TRAF4: variants seen among roughly 807,000 people sequenced by gnomAD.
TRAF4 encodes the protein TNF receptor-associated factor 4.
TRAF4 carries 9 observed loss-of-function variants against 47.3 expected under a neutral mutation model. The ratio of observed to expected loss-of-function variants is 0.19; its 90% CI spans 0.11 to 0.33. The LOEUF (loss-of-function observed/expected upper bound fraction) is 0.33, where lower values mean the gene tolerates loss of function less well. Among genes scored for constraint, TRAF4 ranks in the 10% least tolerant of loss-of-function variants. TRAF4 has a pLI of 1.00. For synonymous variants in TRAF4, 236 were observed against 236.9 expected (o/e 1.00, Z 0.04); for missense variants, 448 against 620.3 (o/e 0.72, Z 2.95).
chr17:28,750,163 A>T lies in TRAF4; in HGVS notation c.*586A>T, dbSNP rs558078855. On this transcript the variant is annotated 3_prime_UTR_variant, in exon 7 of 7. Transcript: ENST00000262395. ...TGAAGGCAAAGAAAGGACCAGTCAG[A>T]GAAGGGCCGCTGCCTGGGTCTGGCC... 3.1e-5 allele frequency: 14 copies of T among 452,724 alleles called. 1 individual carries two copies. Among genetic ancestry groups the T allele is most frequent in the African/African-American group, 2.2e-4 (11 of 49,750 alleles). The allele number at this position is 452,724 out of a possible 1,614,324, so 28.0% of individuals were successfully genotyped here. A position where few individuals can be genotyped will look rare whatever the true frequency, so the allele number is the denominator to read the frequency against.
At position 28,748,103 on chromosome 17, in the gene TRAF4, C is replaced by T. The variant is rs781272846; in HGVS notation, c.387C>T (p.His129=). The part of the protein sequence containing the change: ...MKLSRRDLPA[H]LQHDCPKRRL... ...TGAGCCGCCGTGATCTACCTGCACA[C>T]TTGCAGCATGACTGCCCCAAGCGGC... The change falls in exon 4 of 7, where the codon CAC becomes CAT. Residue 129 remains histidine, a synonymous_variant. Transcript: ENST00000262395. 9 of 1,613,984 alleles carry T rather than the reference C, an allele frequency of 5.6e-6. No individual in the cohort carries two copies. In the East Asian group the frequency reaches 1.6e-4, roughly 28 times the overall value.
At chr17:28,748,843 G>C in intron 6 of TRAF4, 102 bp from the exon 7 acceptor site, 1 of 1,485,636 alleles carries the variant, frequency 6.7e-7, no homozygotes, top group Non-Finnish European at 8.9e-7. Context: ...CTCACGTAGA[G>C]CTGGGTGCCT....
At position 28,749,064 on chromosome 17, in the gene TRAF4, G is replaced by A. The variant is rs1218269944; in HGVS notation, c.900G>A (p.Glu300=). 7.4e-6 allele frequency: 12 copies of A among 1,613,892 alleles called. No individual in the cohort carries two copies. Among genetic ancestry groups the A allele is most frequent in the African/African-American group, 2.7e-5 (2 of 74,964 alleles). ...TGCAGGAGCTTCGGCGAGAGCTGGA[G>A]GAGCTATCAGTGGGCAGTGATGGCG... The part of the protein sequence containing the change: ...QELQELRREL[E]ELSVGSDGVL... Residue 300 remains glutamate (E), a synonymous_variant, in exon 7 of 7, where the codon GAG becomes GAA. Coordinates refer to ENST00000262395, the MANE Select transcript of TRAF4 (RefSeq NM_004295.4).
chr17:28,748,804 C>G (rs2034555970), intron 6 of TRAF4, 138 bp downstream of exon 6: 11 of 1,482,022 alleles, frequency 7.4e-6, no homozygotes, highest in South Asian at 2.7e-5. Context: ...GCTGCCAGCT[C>G]CAGCCTCTTC....
At chr17:28,744,681 A>G (rs2034481216) in intron 1 of TRAF4, 2 of 178,162 alleles carry the variant, frequency 1.1e-5, no homozygotes, top group South Asian at 9.3e-5. Context: ...AACGGTAGCT[A>G]TTGTTCTCCC....
chr17:28,749,945 CAA>C lies in TRAF4; in HGVS notation c.*370_*371del, dbSNP rs1173464558. 49 of 692,448 alleles carry C rather than the reference CAA, an allele frequency of 7.1e-5. No individual in the cohort carries two copies. The highest frequency in any genetic ancestry group is 3.6e-4 in the Middle Eastern group (1 of 2,758). 42.9% of individuals were successfully genotyped at this position (692,448 alleles called of 1,614,324 possible). ...AATTGGGGAGGGAGAAAGGGTAGTTCAAAGAGTCTGTCTTGAGATCTGATTTT... is the reference window on the plus strand; with the variant it reads ...AATTGGGGAGGGAGAAAGGGTAGTTCAGAGTCTGTCTTGAGATCTGATTTT... On this transcript the variant is annotated 3_prime_UTR_variant, in exon 7 of 7. Coordinates refer to ENST00000262395, the MANE Select transcript of TRAF4 (RefSeq NM_004295.4).
In TRAF4 at chr17:28,749,035, G is replaced by T. The variant is rs1203285143; in HGVS notation, c.871G>T (p.Glu291Ter). 6.2e-7 allele frequency: 1 copy of T among 1,613,770 alleles called. No homozygotes were observed. Among genetic ancestry groups the T allele is most frequent in the Admixed American group, 1.7e-5 (1 of 60,016 alleles). ...MCALVSRQRQELQELRRELEE... is the reference protein window; with the variant it reads ...MCALVSRQRQ The stretch of plus-strand genomic sequence containing the variant: ...TGCCCTGGTGAGCCGGCAACGGCAG[G>T]AGCTGCAGGAGCTTCGGCGAGAGCT... The change falls in exon 7 of 7, where the codon GAG becomes TAG. Residue 291 changes from glutamate to a stop codon, truncating the protein, a stop_gained. Transcript: ENST00000262395. LOFTEE classifies it high-confidence loss of function.
chr17:28,749,002 A>G lies in TRAF4; in HGVS notation c.838A>G (p.Met280Val), dbSNP rs774162750. The G allele has an allele frequency of 6.2e-7, 1 of 1,613,718 alleles. No homozygotes were observed. Among genetic ancestry groups the G allele is most frequent in the Non-Finnish European group, 8.5e-7 (1 of 1,180,032 alleles). Residue 280 changes from methionine to valine, a missense_variant, in exon 7 of 7, where the codon ATG (methionine) becomes GTG (valine). Met to Val is a conservative substitution (Grantham distance 21). Transcript: ENST00000262395. ...GGAGAGTGTGAAGCCACATCTGGCC[A>G]TGATGTGTGCCCTGGTGAGCCGGCA... ...VEESVKPHLA[M>V]MCALVSRQRQ...
chr17:28,744,041 CTCCA>C lies in TRAF4; in HGVS notation c.-71_-68del. ...GCGCCGCCCGGAGCCGGGAGCGCCGCTCCAGCGAGGCGCGGGCTGTGGGGCCGCC... is the reference window on the plus strand; with the variant it reads ...GCGCCGCCCGGAGCCGGGAGCGCCGCGCGAGGCGCGGGCTGTGGGGCCGCC... On this transcript the variant is annotated 5_prime_UTR_variant, in exon 1 of 7. Coordinates refer to ENST00000262395, the MANE Select transcript of TRAF4 (RefSeq NM_004295.4). 1 of 1,078,670 alleles carries C rather than the reference CTCCA, an allele frequency of 9.3e-7. No homozygotes were observed. The highest frequency in any genetic ancestry group is 4.0e-5 in the South Asian group (1 of 25,200). 66.8% of individuals were successfully genotyped at this position (1,078,670 alleles called of 1,614,324 possible).
Position 28,744,286 on chromosome 17 carries a change from G to A in TRAF4, c.143+31G>A, listed in dbSNP as rs556957003. 7.8e-5 allele frequency: 116 copies of A among 1,494,682 alleles called. No individual in the cohort carries two copies. In the African/African-American group the frequency reaches 1.6e-3, roughly 21 times the overall value. 92.6% of individuals were successfully genotyped at this position (1,494,682 alleles called of 1,614,324 possible). A position where few individuals can be genotyped will look rare whatever the true frequency, so the allele number is the denominator to read the frequency against. On this transcript the variant is annotated intron_variant, in intron 1 of 6. Coordinates refer to ENST00000262395, the MANE Select transcript of TRAF4 (RefSeq NM_004295.4). ...GGCCGGGGAGCAGGGGACAGCGGGG[G>A]CGGGGCGGGGCGGGGGGCGCCGCCT...
chr17:28,750,142 G>A lies in TRAF4; in HGVS notation c.*565G>A. On this transcript the variant is annotated 3_prime_UTR_variant, in exon 7 of 7. Transcript: ENST00000262395. ...CCCTGGGAGGCTCAACCAAACTGAAGGCAAAGAAAGGACCAGTCAGAGAAG... is the reference window on the plus strand; with the variant it reads ...CCCTGGGAGGCTCAACCAAACTGAAAGCAAAGAAAGGACCAGTCAGAGAAG... 1 of 494,306 alleles carries A rather than the reference G, an allele frequency of 2.0e-6. No homozygotes were observed. The highest frequency in any genetic ancestry group is 2.9e-5 in the South Asian group (1 of 34,268). The allele number at this position is 494,306 out of a possible 1,614,324, so 30.6% of individuals were successfully genotyped here. A position where few individuals can be genotyped will look rare whatever the true frequency, so the allele number is the denominator to read the frequency against.
chr17:28,748,289 A>T lies in TRAF4; in HGVS notation c.490A>T (p.Ser164Cys). The change falls in exon 5 of 7, where the codon AGT (serine) becomes TGT (cysteine). Residue 164 changes from serine to cysteine, a missense_variant. Physicochemically the swap from Ser to Cys is moderately radical, Grantham distance 112. Transcript: ENST00000262395. The part of the protein sequence containing the change: ...ESHEGMCPQE[S>C]VYCENKCGAR... Reference sequence around the variant, plus strand: ...CCATGAGGGTATGTGCCCCCAGGAGAGTGTCTACTGTGAGAATAAGTGTGG... The same window carrying T: ...CCATGAGGGTATGTGCCCCCAGGAGTGTGTCTACTGTGAGAATAAGTGTGG... 1.9e-6 allele frequency: 3 copies of T among 1,613,536 alleles called. No homozygotes were observed. The highest frequency in any genetic ancestry group is 2.5e-6 in the Non-Finnish European group (3 of 1,179,804).
At chr17:28,746,268 A>G (rs1039546109) in intron 1 of TRAF4, among the ~76,000 whole-genome samples, 2 of 152,180 alleles carry the variant, frequency 1.3e-5, no homozygotes, top group African/African-American at 2.4e-5. Context: ...TGGGTGAGCC[A>G]TTGCTCTGCC....
rs1366796446 is a variant in TRAF4, at chr17:28,746,330, T to C, written c.144-883T>C. 3.3e-5 allele frequency among the ~76,000 whole-genome samples: 5 copies of C among 152,206 alleles called. No homozygotes were observed. In the East Asian group the frequency reaches 7.7e-4, roughly 23 times the overall value. ...GCCCTGGCTGGGGTCAGCAAGGGCA[T>C]GTCGACAGAAAGAAGCATGCCAACA... On this transcript the variant is annotated intron_variant, in intron 1 of 6. Transcript: ENST00000262395.
At chr17:28,744,393 C>T in intron 1 of TRAF4, 138 bp downstream of exon 1, 1 of 1,015,960 alleles carries the variant, frequency 9.8e-7, no homozygotes. Context: ...CGTGACGTCA[C>T]GGGGAGGGAT....
rs2034583269 is a variant in TRAF4 at position 28,750,282 on chromosome 17, CTGCCGATGAAATGCGGGAA to C, written c.*706_*724del. 6.3e-5 allele frequency: 15 copies of C among 238,514 alleles called. No individual in the cohort carries two copies. The South Asian group carries it at 1.0e-3, about 16-fold the overall frequency. 14.8% of individuals were successfully genotyped at this position (238,514 alleles called of 1,614,324 possible). A position where few individuals can be genotyped will look rare whatever the true frequency, so the allele number is the denominator to read the frequency against. ...GGAAGACGGTCCCTGCCACTGCCCT[CTGCCGATGAAATGCGGGAA>C]GTGTATGGCCTAGATGTTTCATAAG... On this transcript the variant is annotated 3_prime_UTR_variant, in exon 7 of 7. Coordinates refer to ENST00000262395, the MANE Select transcript of TRAF4 (RefSeq NM_004295.4).
chr17:28,744,361 C>T lies in TRAF4; in HGVS notation c.143+106C>T, dbSNP rs2034474400. Reference sequence around the variant, plus strand: ...AGGCGGGCCTTTGTCTGCGCTGCGACCCTGTGACCTCAGGGGCGCCCCGTG... The same window carrying T: ...AGGCGGGCCTTTGTCTGCGCTGCGATCCTGTGACCTCAGGGGCGCCCCGTG... On this transcript the variant is annotated intron_variant, in intron 1 of 6. Transcript: ENST00000262395. 8 of 1,344,066 alleles carry T rather than the reference C, an allele frequency of 6.0e-6. No homozygotes were observed. In the African/African-American group the frequency reaches 6.1e-5, roughly 10 times the overall value. The allele number at this position is 1,344,066 out of a possible 1,614,324, so 83.3% of individuals were successfully genotyped here. A position where few individuals can be genotyped will look rare whatever the true frequency, so the allele number is the denominator to read the frequency against.
chr17:28,749,612 G>A lies in TRAF4; in HGVS notation c.*35G>A. On this transcript the variant is annotated 3_prime_UTR_variant, in exon 7 of 7. Transcript: ENST00000262395. The stretch of plus-strand genomic sequence containing the variant: ...GGGTTCGAGGGGAAAGGACGATGGG[G>A]CATGACCTCAGTCAGGCACTGGCTG... 6.3e-7 allele frequency: 1 copy of A among 1,592,790 alleles called. No individual in the cohort carries two copies. The highest frequency in any genetic ancestry group is 8.6e-7 in the Non-Finnish European group (1 of 1,168,634).
rs2034587290 is a variant in TRAF4 at position 28,750,649 on chromosome 17, G to C, written c.*1072G>C. The C allele has an allele frequency of 6.7e-6, 1 of 148,822 alleles. No homozygotes were observed. The allele number at this position is 148,822 out of a possible 1,614,324, so 9.2% of individuals were successfully genotyped here. ...GTTCAAGGCACTTGGATTTTCTCCT[G>C]TCTCTCATCGGCTTTTCTTAACGGG... On this transcript the variant is annotated 3_prime_UTR_variant, in exon 7 of 7. Transcript: ENST00000262395.
Sources: gnomAD v4.1 joint callset for allele counts (sites outside exome capture counted in the v4.1 genomes callset) on GRCh38, gnomAD v4.1.1 for gene constraint, MANE v1.5 for transcripts, NCBI Gene and HGNC (gene_info 2026-07-23, HGNC 2026-07-21) for gene names.